PPP3CA: variants seen among roughly 807,000 people sequenced by gnomAD.
The protein encoded by PPP3CA is protein phosphatase 3 catalytic subunit alpha.
In PPP3CA, 14 loss-of-function variants were observed where a neutral mutation model predicts 66.5. The ratio of observed to expected loss-of-function variants is 0.21; its 90% CI spans 0.14 to 0.33. The LOEUF (loss-of-function observed/expected upper bound fraction) is 0.33, where lower values mean the gene tolerates loss of function less well. Among genes scored for constraint, PPP3CA ranks in the 10% least tolerant of loss-of-function variants. PPP3CA has a pLI of 1.00. For missense variants in PPP3CA, 317 were observed against 639.5 expected (o/e 0.50, Z 5.44); for synonymous variants, 232 against 226.2 (o/e 1.03, Z -0.23).
At chr4:101,151,652 C>CT (rs369745312) in intron 2 of PPP3CA, among the ~76,000 whole-genome samples, 5,706 of 84,714 alleles carry the variant, frequency 0.067, 774 homozygotes, top group East Asian at 0.25. Flanking sequence ...CCAAGGTTTC[C>CT]TTTTTTTTTT....
intron 1 of PPP3CA, among the ~76,000 whole-genome samples, chr4:101,279,766 G>A (rs1486195485): frequency 6.6e-6 from 1 of 152,102 alleles, no homozygotes; most frequent in Non-Finnish European, 1.5e-5. Context: ...GCTGAAAGAG[G>A]GAAGAGCCAA....
chr4:101,322,966 T>C (rs1304926935), intron 1 of PPP3CA, among the ~76,000 whole-genome samples: 2 of 152,150 alleles, frequency 1.3e-5, no homozygotes, highest in Non-Finnish European at 2.9e-5. Context: ...TATATATGTG[T>C]GTATATATGT....
At chr4:101,340,261 T>C (rs1298989471) in intron 1 of PPP3CA, among the ~76,000 whole-genome samples, 1 of 151,964 alleles carries the variant, frequency 6.6e-6, no homozygotes, top group Non-Finnish European at 1.5e-5. Context: ...TAAAATAGAG[T>C]CATAGTATAT....
chr4:101,247,643 T>C (rs1226578545), intron 1 of PPP3CA, among the ~76,000 whole-genome samples: 2 of 152,172 alleles, frequency 1.3e-5, no homozygotes, highest in African/African-American at 2.4e-5. Context: ...TATTTTTTCA[T>C]TCAGTTTCTG....
At chr4:101,309,576 T>C (rs1420940820) in intron 1 of PPP3CA, among the ~76,000 whole-genome samples, 3 of 152,096 alleles carry the variant, frequency 2.0e-5, no homozygotes, top group Non-Finnish European at 4.4e-5. Flanking sequence ...ACATGGACAA[T>C]TGGAACACTA....
Position 101,330,527 on chromosome 4 carries a change from T to G in PPP3CA, c.58+16212A>C, listed in dbSNP as rs928902561. ...AAGTGAAGTATGTACATTGCTTTTT[T>G]AAACATAATGCTATTGCACACTTAA... On this transcript the variant is annotated intron_variant, in intron 1 of 13. Transcript: ENST00000394854. The G allele has an allele frequency of 3.0e-4, 140 of 472,312 alleles. 1 individual carries two copies. The highest frequency in any genetic ancestry group is 2.3e-4 in the Admixed American group (9 of 39,236). The allele number at this position is 472,312 out of a possible 1,614,324, so 29.3% of individuals were successfully genotyped here. A position where few individuals can be genotyped will look rare whatever the true frequency, so the allele number is the denominator to read the frequency against.
intron 8 of PPP3CA, among the ~76,000 whole-genome samples, chr4:101,072,292 C>T (rs1023433973): frequency 5.3e-5 from 8 of 152,110 alleles, no homozygotes; most frequent in African/African-American, 1.9e-4. Context: ...GTTAGAGTCA[C>T]CTAAACATAA....
chr4:101,150,013 T>C (rs569427603), intron 2 of PPP3CA, among the ~76,000 whole-genome samples: 1 of 152,274 alleles, frequency 6.6e-6, no homozygotes, highest in South Asian at 2.1e-4. Context: ...GAGCCAGGAT[T>C]TGAAATCAAG....
chr4:101,162,038 G>A (rs1198153700), intron 2 of PPP3CA, among the ~76,000 whole-genome samples: 3 of 152,210 alleles, frequency 2.0e-5, no homozygotes, highest in Non-Finnish European at 2.9e-5. Context: ...TCAGGAGTTC[G>A]AAACCGGCCT....
chr4:101,294,807 CG>C (rs1728144711), intron 1 of PPP3CA, among the ~76,000 whole-genome samples: 1 of 151,328 alleles, frequency 6.6e-6, no homozygotes, highest in South Asian at 2.1e-4. Flanking sequence ...CTAGTTGTAG[CG>C]ATGAAAAATA....
chr4:101,126,031 T>C (rs1481055406), intron 2 of PPP3CA, among the ~76,000 whole-genome samples: 3 of 152,210 alleles, frequency 2.0e-5, no homozygotes, highest in Non-Finnish European at 4.4e-5. Flanking sequence ...CAGGTAAATT[T>C]ATACACAATA....
intron 2 of PPP3CA, among the ~76,000 whole-genome samples, chr4:101,157,926 A>G (rs1279097630): frequency 2.7e-5 from 4 of 149,916 alleles, no homozygotes; most frequent in African/African-American, 9.8e-5. Flanking sequence ...AAATAGTTCT[A>G]TTTTTAATTC....
At chr4:101,036,095 A>G (rs1186803814) in intron 11 of PPP3CA, among the ~76,000 whole-genome samples, 1 of 152,252 alleles carries the variant, frequency 6.6e-6, no homozygotes, top group Non-Finnish European at 1.5e-5. Context: ...TAGTACAAAT[A>G]TAAGAATAGA....
At position 101,061,154 on chromosome 4, in the gene PPP3CA, C is replaced by G; in HGVS notation, c.1089G>C (p.Glu363Asp). Residue 363 changes from glutamate to aspartate, a missense_variant, in exon 10 of 14, where the codon GAG (glutamate) becomes GAC (aspartate). Glu to Asp is a conservative substitution (Grantham distance 45). This residue lies in a region of PPP3CA where 201 missense variants were observed against 501.4 expected (regional missense o/e 0.40). Transcript: ENST00000394854. ...AGATGTTGAGGACATTTACCAGCAT[C>G]TCAGTCACTAAAGAGAGAAAGCAAA... ...SLPFVGEKVTEMLVNVLNICS... is the reference protein window; with the variant it reads ...SLPFVGEKVTDMLVNVLNICS... 6.2e-7 allele frequency: 1 copy of G among 1,611,610 alleles called. No homozygotes were observed. Among genetic ancestry groups the G allele is most frequent in the Non-Finnish European group, 8.5e-7 (1 of 1,178,138 alleles).
intron 1 of PPP3CA, among the ~76,000 whole-genome samples, chr4:101,249,144 G>T (rs893649136): frequency 6.7e-6 from 1 of 149,256 alleles, no homozygotes; most frequent in Non-Finnish European, 1.5e-5. Flanking sequence ...TCCGGCCTGG[G>T]CGACAGAGCG....
intron 7 of PPP3CA, among the ~76,000 whole-genome samples, chr4:101,081,200 C>A (rs576794104): frequency 6.6e-6 from 1 of 151,950 alleles, no homozygotes; most frequent in East Asian, 1.9e-4. Flanking sequence ...TTCCTAGATG[C>A]AGTATATACA....
intron 1 of PPP3CA, among the ~76,000 whole-genome samples, chr4:101,258,280 C>A (rs1444727423): frequency 6.6e-6 from 1 of 152,020 alleles, no homozygotes; most frequent in Non-Finnish European, 1.5e-5. Context: ...AAATGGATTA[C>A]CACTGAGGTA....
chr4:101,331,937 A>G lies in PPP3CA; in HGVS notation c.58+14802T>C, dbSNP rs568591408. Among the ~76,000 whole-genome samples, 6 of 152,334 alleles carry G rather than the reference A, an allele frequency of 3.9e-5. No individual in the cohort carries two copies. The South Asian group carries it at 1.2e-3, about 32-fold the overall frequency. ...TCAACCACCAAGTAGGTATCGGCAT[A>G]ATCAAGTGTTCGTTTTAGAAAAATA... On this transcript the variant is annotated intron_variant, in intron 1 of 13. Transcript: ENST00000394854.
intron 1 of PPP3CA, among the ~76,000 whole-genome samples, chr4:101,327,270 T>C (rs904433013): frequency 2.6e-5 from 4 of 152,156 alleles, no homozygotes; most frequent in African/African-American, 7.2e-5. Flanking sequence ...GAACCAAATA[T>C]TGTGACTGAA....
Sources: allele counts gnomAD v4.1 joint callset (sites outside exome capture counted in the v4.1 genomes callset), GRCh38; gene constraint gnomAD v4.1.1; regional missense constraint gnomAD v4.1.1; transcripts MANE v1.5; gene names NCBI Gene and HGNC (gene_info 2026-07-23, HGNC 2026-07-21).